Variants in PTPRD observed in about 807,000 individuals in gnomAD.
PTPRD encodes receptor-type tyrosine-protein phosphatase delta.
A neutral mutation model predicts 214.5 loss-of-function variants in PTPRD; 34 were observed. The observed-to-expected ratio is 0.16, with a 90% CI of 0.12 to 0.21. PTPRD has a LOEUF of 0.21. PTPRD is among the 10% of genes least tolerant of loss of function. PTPRD has a pLI of 1.00. For synonymous variants in PTPRD, 1,128 were observed against 845.7 expected (o/e 1.33, Z -5.79); for missense variants, 2,545 against 2,398.7 (o/e 1.06, Z -1.27).
intron 8 of PTPRD, among the ~76,000 whole-genome samples, chr9:9,456,519 A>T (rs2093025452): frequency 6.6e-6 from 1 of 151,732 alleles, no homozygotes; most frequent in Non-Finnish European, 1.5e-5. Context: ...ACCCAAACCA[A>T]ACCAGATGGC....
chr9:10,178,699 A>G (rs190220689), intron 3 of PTPRD, among the ~76,000 whole-genome samples: 14 of 152,066 alleles, frequency 9.2e-5, no homozygotes, highest in Admixed American at 2.6e-4. Flanking sequence ...AATTGGTACT[A>G]TTGATATTCT....
chr9:8,936,334 G>C (rs114030766), intron 11 of PTPRD, among the ~76,000 whole-genome samples: 6,617 of 145,168 alleles, frequency 0.046, 504 homozygotes, highest in African/African-American at 0.16. Flanking sequence ...CGAGGTGGGA[G>C]GATTGCTTGA....
chr9:10,412,976 G>C (rs2098452722), intron 2 of PTPRD, among the ~76,000 whole-genome samples: 1 of 151,752 alleles, frequency 6.6e-6, no homozygotes, highest in Non-Finnish European at 1.5e-5. Flanking sequence ...AATAATAAAA[G>C]CCACCCATGG....
intron 2 of PTPRD, among the ~76,000 whole-genome samples, chr9:10,507,353 C>T (rs537313713): frequency 6.6e-6 from 1 of 152,138 alleles, no homozygotes; most frequent in East Asian, 1.9e-4. Context: ...GAATCAATAT[C>T]ATGAAAATGG....
At chr9:8,407,434 C>CA (rs965244303) in intron 35 of PTPRD, among the ~76,000 whole-genome samples, 39 of 152,150 alleles carry the variant, frequency 2.6e-4, no homozygotes, top group African/African-American at 9.2e-4. Context: ...TAAGCTCACA[C>CA]AGCTAGATTC....
chr9:9,937,285 CT>C lies in PTPRD; in HGVS notation c.-368+1221del, dbSNP rs1331468830. On this transcript the variant is annotated intron_variant, in intron 5 of 45. Coordinates refer to ENST00000381196, the MANE Select transcript of PTPRD (RefSeq NM_002839.4). ...AAATTACTATATTGGTCTCTTTTAT[CT>C]TTTTTCTCTATATACACATAAAAGT... 4.0e-3 allele frequency among the ~76,000 whole-genome samples: 607 copies of C among 151,134 alleles called. 2 individuals carry two copies. The highest frequency in any genetic ancestry group is 0.014 in the African/African-American group (576 of 41,350).
intron 11 of PTPRD, among the ~76,000 whole-genome samples, chr9:8,866,961 T>C (rs2098208850): frequency 6.6e-6 from 1 of 152,210 alleles, no homozygotes; most frequent in Admixed American, 6.5e-5. Flanking sequence ...GGCAAAATGT[T>C]ATAAGCGGGG....
intron 3 of PTPRD, among the ~76,000 whole-genome samples, chr9:10,304,482 G>A (rs992350466): frequency 1.3e-5 from 2 of 152,148 alleles, no homozygotes. Context: ...GTCTCTGTTT[G>A]CAGATGACAT....
At chr9:9,502,419 C>T (rs1290479709) in intron 8 of PTPRD, among the ~76,000 whole-genome samples, 1 of 151,736 alleles carries the variant, frequency 6.6e-6, no homozygotes, top group Non-Finnish European at 1.5e-5. Context: ...CCAGGTTTAT[C>T]CATGTTGCAA....
intron 2 of PTPRD, among the ~76,000 whole-genome samples, chr9:10,543,436 G>A (rs993548153): frequency 2.0e-5 from 3 of 149,602 alleles, no homozygotes; most frequent in African/African-American, 7.4e-5. Flanking sequence ...TAAAATTCTG[G>A]TTTCCTTAAC....
At chr9:10,060,943 T>TCTCTCTCTTC (rs1555532017) in intron 3 of PTPRD, among the ~76,000 whole-genome samples, 10 of 142,722 alleles carry the variant, frequency 7.0e-5, no homozygotes, top group Non-Finnish European at 1.5e-4. Context: ...TTTCTTTCTT[T>TCTCTCTCTTC]CTTTCTTTCT....
chr9:9,396,258 G>C (rs973156448), intron 9 of PTPRD, among the ~76,000 whole-genome samples: 2 of 151,954 alleles, frequency 1.3e-5, no homozygotes, highest in African/African-American at 4.8e-5. Flanking sequence ...AGCCGTCAAA[G>C]GAACAGAGTT....
chr9:10,366,407 T>C lies in PTPRD; in HGVS notation c.-599-25390A>G, dbSNP rs368461484. ...TGCTGCTCTGGTTTGACATTTGCAC[T>C]ATAACTCACATTGCTGGAGTTGCAC... On this transcript the variant is annotated intron_variant, in intron 2 of 45. Transcript: ENST00000381196. Among the ~76,000 whole-genome samples, 64 of 152,308 alleles carry C rather than the reference T, an allele frequency of 4.2e-4. 1 individual carries two copies. The South Asian group carries it at 0.012, about 30-fold the overall frequency.
intron 8 of PTPRD, among the ~76,000 whole-genome samples, chr9:9,498,068 G>A (rs1256860539): frequency 1.3e-5 from 2 of 152,058 alleles, no homozygotes; most frequent in Non-Finnish European, 2.9e-5. Context: ...TGTTTTAATT[G>A]GAATCCATGA....
chr9:9,031,381 G>A (rs1215073685), intron 10 of PTPRD, among the ~76,000 whole-genome samples: 1 of 151,984 alleles, frequency 6.6e-6, no homozygotes, highest in Non-Finnish European at 1.5e-5. Context: ...TACAAACCTA[G>A]ATAGCATAGC....
intron 3 of PTPRD, among the ~76,000 whole-genome samples, chr9:10,206,084 G>C (rs1174284756): frequency 1.3e-5 from 2 of 149,174 alleles, no homozygotes; most frequent in Non-Finnish European, 3.0e-5. Flanking sequence ...GGGCATCACA[G>C]AGCGCGTGAA....
intron 3 of PTPRD, among the ~76,000 whole-genome samples, chr9:10,293,121 A>G (rs185180909): frequency 5.3e-4 from 80 of 152,082 alleles, no homozygotes; most frequent in African/African-American, 1.8e-3. Flanking sequence ...AGGATCATGC[A>G]GATAATGGCT....
At chr9:8,413,295 C>G (rs550710876) in intron 35 of PTPRD, among the ~76,000 whole-genome samples, 38 of 152,122 alleles carry the variant, frequency 2.5e-4, no homozygotes, top group Non-Finnish European at 2.1e-4. Flanking sequence ...GTGGAGGGAA[C>G]AGATGAATTT....
chr9:8,545,355 G>T (rs2079773420), intron 14 of PTPRD, among the ~76,000 whole-genome samples: 1 of 152,084 alleles, frequency 6.6e-6, no homozygotes, highest in African/African-American at 2.4e-5. Context: ...TTAATCGGGG[G>T]TACCTGGACT....
Sources: allele counts gnomAD v4.1 joint callset (sites outside exome capture counted in the v4.1 genomes callset), GRCh38; gene constraint gnomAD v4.1.1; transcripts MANE v1.5; gene names NCBI Gene and HGNC (gene_info 2026-07-23, HGNC 2026-07-21).